Variants in SLAIN2 observed in about 807,000 individuals in gnomAD.
SLAIN2 encodes SLAIN family member 2.
SLAIN2 carries 31 observed loss-of-function variants against 56.6 expected under a neutral mutation model. The ratio of observed to expected loss-of-function variants is 0.55; its 90% CI spans 0.41 to 0.74. The LOEUF (loss-of-function observed/expected upper bound fraction) is 0.74. SLAIN2 is among the 30% of genes least tolerant of loss of function. SLAIN2 has a pLI of 0.00. For missense variants in SLAIN2, 777 were observed against 754.2 expected, an observed-to-expected ratio of 1.03 and a Z score of -0.35; for synonymous variants, 317 against 284.9, an observed-to-expected ratio of 1.11 and a Z score of -1.13.
intron 6 of SLAIN2, among the ~76,000 whole-genome samples, chr4:48,396,437 T>C (rs1716390293): frequency 6.6e-6 from 1 of 152,208 alleles, no homozygotes; most frequent in Non-Finnish European, 1.5e-5. Context: ...GACACAGATA[T>C]AAGGTAAGAT....
chr4:48,367,820 A>G (rs1341981996), intron 1 of SLAIN2, among the ~76,000 whole-genome samples: 2 of 152,162 alleles, frequency 1.3e-5, no homozygotes, highest in African/African-American at 4.8e-5. Context: ...AAAAGTCGTT[A>G]TATGTTAGTG....
intron 1 of SLAIN2, among the ~76,000 whole-genome samples, chr4:48,351,686 C>T (rs897585380): frequency 3.3e-5 from 5 of 152,222 alleles, no homozygotes; most frequent in Non-Finnish European, 7.3e-5. Context: ...AATTCATCTT[C>T]ACATTTCTGT....
chr4:48,345,657 TAAATATAA>T (rs1714845384), intron 1 of SLAIN2, among the ~76,000 whole-genome samples: 1 of 152,132 alleles, frequency 6.6e-6, no homozygotes, highest in South Asian at 2.1e-4. Flanking sequence ...TTTTTTAGCT[TAAATATAA>T]AGCTTTTATT....
intron 1 of SLAIN2, among the ~76,000 whole-genome samples, chr4:48,342,398 C>G (rs1714737217): frequency 6.6e-6 from 1 of 152,176 alleles, no homozygotes; most frequent in Non-Finnish European, 1.5e-5. Context: ...GTTGGGGCAG[C>G]TTGAGAAGGG....
At chr4:48,345,812 T>G (rs1453478589) in intron 1 of SLAIN2, among the ~76,000 whole-genome samples, 1 of 152,208 alleles carries the variant, frequency 6.6e-6, no homozygotes, top group Non-Finnish European at 1.5e-5. Flanking sequence ...CTACTACGTC[T>G]TCATTCAAAT....
At chr4:48,400,810 A>G (rs181856214) in intron 6 of SLAIN2, among the ~76,000 whole-genome samples, 4 of 151,014 alleles carry the variant, frequency 2.6e-5, no homozygotes, top group East Asian at 1.9e-4. Flanking sequence ...TCTTGTCTCT[A>G]TCTCCTTCAG....
rs562898085 is a variant in SLAIN2 at position 48,355,088 on chromosome 4, G to C, written c.389+12960G>C. On this transcript the variant is annotated intron_variant, in intron 1 of 7. Coordinates refer to ENST00000264313, the MANE Select transcript of SLAIN2 (RefSeq NM_020846.2). Reference sequence around the variant, plus strand: ...GTAGAGGTGGGGTTTCGCCATGTTGGCCAGGCTGGTCTCTAATTCCTGACC... The same window carrying C: ...GTAGAGGTGGGGTTTCGCCATGTTGCCCAGGCTGGTCTCTAATTCCTGACC... 1.2e-3 allele frequency among the ~76,000 whole-genome samples: 176 copies of C among 151,986 alleles called. 2 individuals are homozygous for C. In the South Asian group the frequency reaches 0.036, roughly 31 times the overall value.
chr4:48,346,336 C>G (rs1417098109), intron 1 of SLAIN2, among the ~76,000 whole-genome samples: 1 of 152,036 alleles, frequency 6.6e-6, no homozygotes, highest in Non-Finnish European at 1.5e-5. Context: ...CTGTTCTTTT[C>G]CATCATTTGG....
intron 1 of SLAIN2, among the ~76,000 whole-genome samples, chr4:48,363,290 C>CG (rs1715384833): frequency 9.1e-5 from 5 of 55,236 alleles, no homozygotes; most frequent in Non-Finnish European, 2.2e-4. Flanking sequence ...ACCTCCCAGA[C>CG]GGGGTGGTGG....
At chr4:48,376,721 A>C (rs1462447175) in intron 2 of SLAIN2, among the ~76,000 whole-genome samples, 1 of 141,796 alleles carries the variant, frequency 7.1e-6, no homozygotes, top group Non-Finnish European at 1.5e-5. Context: ...TCCCGGGTTC[A>C]CGCCATTCTC....
At chr4:48,404,200 C>G (rs1271051794) in intron 6 of SLAIN2, among the ~76,000 whole-genome samples, 1 of 152,278 alleles carries the variant, frequency 6.6e-6, no homozygotes, top group African/African-American at 2.4e-5. Context: ...AGCTGCAGAC[C>G]ACTGCTACTT....
chr4:48,372,167 G>C (rs576557401), intron 2 of SLAIN2, among the ~76,000 whole-genome samples: 1 of 152,024 alleles, frequency 6.6e-6, no homozygotes, highest in South Asian at 2.1e-4. Context: ...TGAACAGCAT[G>C]TATTGAGAAT....
At chr4:48,347,558 A>G (rs1170642963) in intron 1 of SLAIN2, among the ~76,000 whole-genome samples, 5 of 152,168 alleles carry the variant, frequency 3.3e-5, no homozygotes, top group Non-Finnish European at 7.3e-5. Context: ...TCCTTTACAC[A>G]TGTTAAATCA....
chr4:48,383,558 A>C, intron 5 of SLAIN2, 89 bp from the exon 6 acceptor site: 12 of 1,198,312 alleles, frequency 1.0e-5, no homozygotes, highest in Non-Finnish European at 1.4e-5. Context: ...AATGTTTGAT[A>C]AACAATTTGA....
At chr4:48,370,118 C>G in intron 2 of SLAIN2, 121 bp downstream of exon 2, 1 of 949,258 alleles carries the variant, frequency 1.1e-6, no homozygotes, top group South Asian at 1.9e-5. Context: ...TCTCATTGTT[C>G]ATATCATCAT....
At chr4:48,384,939 C>T (rs1577725028) in intron 6 of SLAIN2, among the ~76,000 whole-genome samples, 1 of 152,116 alleles carries the variant, frequency 6.6e-6, no homozygotes, top group East Asian at 1.9e-4. Context: ...AATAATGATA[C>T]TAGCACAGTT....
intron 2 of SLAIN2, among the ~76,000 whole-genome samples, chr4:48,374,762 A>C (rs74372757): frequency 6.6e-6 from 1 of 152,184 alleles, no homozygotes; most frequent in Non-Finnish European, 1.5e-5. Context: ...TGGAAAGCAT[A>C]GTAGATATGG....
intron 6 of SLAIN2, among the ~76,000 whole-genome samples, chr4:48,384,974 A>G (rs926015107): frequency 6.6e-6 from 1 of 152,204 alleles, no homozygotes; most frequent in African/African-American, 2.4e-5. Context: ...TCTTTATTAA[A>G]TACTCCAGGA....
intron 6 of SLAIN2, among the ~76,000 whole-genome samples, chr4:48,403,030 C>G (rs1455418716): frequency 6.6e-6 from 1 of 152,170 alleles, no homozygotes; most frequent in Non-Finnish European, 1.5e-5. Context: ...CCTCCTGCAT[C>G]TGGAGGTATC....
Sources: allele counts gnomAD v4.1 joint callset (sites outside exome capture counted in the v4.1 genomes callset), GRCh38; gene constraint gnomAD v4.1.1; transcripts MANE v1.5; gene names NCBI Gene and HGNC (gene_info 2026-07-23, HGNC 2026-07-21).